DHX29: variants seen among roughly 807,000 people sequenced by gnomAD.
DHX29 encodes the protein ATP-dependent RNA helicase DHX29.
In DHX29, 79 loss-of-function variants were observed where a neutral mutation model predicts 167.9. The ratio of observed to expected loss-of-function variants is 0.47; its 90% CI spans 0.39 to 0.57. The LOEUF (loss-of-function observed/expected upper bound fraction) is 0.57. Ranked by LOEUF, DHX29 falls within the 20% of genes least tolerant of loss-of-function variation. DHX29 has a pLI of 0.00. For missense variants in DHX29, 1,347 were observed against 1,593.4 expected (o/e 0.85, Z 2.63); for synonymous variants, 530 against 546.0 (o/e 0.97, Z 0.41).
rs1746367555 is a variant in DHX29, at chr5:55,262,715, T to C, written c.3743A>G (p.Glu1248Gly). The C allele has an allele frequency of 6.2e-7, 1 of 1,614,102 alleles. No homozygotes were observed. The highest frequency in any genetic ancestry group is 8.5e-7 in the Non-Finnish European group (1 of 1,179,986). Residue 1248 changes from glutamate to glycine, a missense_variant, in exon 24 of 27, where the codon GAG becomes GGG. Glu to Gly is a moderately conservative substitution (Grantham distance 98). Transcript: ENST00000251636. ...DVTEKLACIVETAQGKAQVHP... is the reference protein window; with the variant it reads ...DVTEKLACIVGTAQGKAQVHP... The stretch of plus-strand genomic sequence containing the variant: ...TACTTGTGCTTTGCCTTGGGCCGTC[T>C]CCACAATGCAAGCCAATTTTTCTGT...
At chr5:55,269,870 A>G (rs1724779598) in intron 20 of DHX29, among the ~76,000 whole-genome samples, 1 of 152,050 alleles carries the variant, frequency 6.6e-6, no homozygotes, top group African/African-American at 2.4e-5. Flanking sequence ...TAGATTTTCC[A>G]GTCCACATTT....
In DHX29 at chr5:55,281,271, A is replaced by G. The variant is rs527653550; in HGVS notation, c.2109+101T>C. On this transcript the variant is annotated intron_variant, in intron 12 of 26. Coordinates refer to ENST00000251636, the MANE Select transcript of DHX29 (RefSeq NM_019030.4). ...ATTATTATATATAAGGTATATAATA[A>G]TTTAGTAAGCATAAAGAAAATGTTA... 1.4e-5 allele frequency: 14 copies of G among 1,015,298 alleles called. 1 individual carries two copies. The South Asian group carries it at 4.8e-4, about 34-fold the overall frequency. 62.9% of individuals were successfully genotyped at this position (1,015,298 alleles called of 1,614,324 possible).
intron 26 of DHX29, among the ~76,000 whole-genome samples, chr5:55,258,148 CTTAACA>C (rs1242552201): frequency 1.3e-5 from 2 of 152,134 alleles, no homozygotes; most frequent in African/African-American, 4.8e-5. Context: ...CTGATCAATT[CTTAACA>C]TTAAAAGGAC....
chr5:55,296,487 T>C, intron 3 of DHX29, 138 bp from the exon 4 acceptor site: 1 of 1,148,200 alleles, frequency 8.7e-7, no homozygotes, highest in Non-Finnish European at 1.1e-6. Context: ...CAGTTAAAAA[T>C]GAAATGTGTT....
intron 11 of DHX29, among the ~76,000 whole-genome samples, chr5:55,282,011 C>T (rs1430367439): frequency 6.6e-6 from 1 of 152,032 alleles, no homozygotes; most frequent in Non-Finnish European, 1.5e-5. Context: ...GCCTCGAACT[C>T]CTGACCTCAG....
chr5:55,295,342 AT>A, intron 5 of DHX29, 36 bp downstream of exon 5: 1 of 1,513,440 alleles, frequency 6.6e-7, no homozygotes. Flanking sequence ...CTCCATTCTG[AT>A]TTTATACAAC....
chr5:55,282,477 C>T (rs1747482226), intron 11 of DHX29, among the ~76,000 whole-genome samples: 1 of 152,024 alleles, frequency 6.6e-6, no homozygotes, highest in Non-Finnish European at 1.5e-5. Context: ...TGACAGAAAC[C>T]CAGACAATTT....
intron 23 of DHX29, among the ~76,000 whole-genome samples, chr5:55,263,671 G>A (rs1385519149): frequency 9.9e-5 from 15 of 151,296 alleles, no homozygotes; most frequent in African/African-American, 3.6e-4. Context: ...TGAAGAAAAG[G>A]CTCACAGAAG....
At chr5:55,287,915 C>T (rs934609814) in intron 8 of DHX29, among the ~76,000 whole-genome samples, 10 of 148,170 alleles carry the variant, frequency 6.7e-5, no homozygotes, top group Middle Eastern at 3.8e-3. Context: ...TGCTACTGCA[C>T]TCCAGCCTGA....
intron 12 of DHX29, among the ~76,000 whole-genome samples, chr5:55,280,064 AG>A (rs1391053582): frequency 1.3e-5 from 2 of 152,220 alleles, no homozygotes; most frequent in African/African-American, 4.8e-5. Context: ...TAGTAAGGCC[AG>A]AAGGAGCATT....
intron 1 of DHX29, among the ~76,000 whole-genome samples, chr5:55,306,896 C>A (rs989567723): frequency 6.6e-6 from 1 of 152,134 alleles, no homozygotes; most frequent in African/African-American, 2.4e-5. Flanking sequence ...TTACACGTAA[C>A]CAGTGTGTAA....
At chr5:55,273,584 A>C (rs1282776183) in intron 16 of DHX29, among the ~76,000 whole-genome samples, 1 of 152,262 alleles carries the variant, frequency 6.6e-6, no homozygotes, top group East Asian at 1.9e-4. Flanking sequence ...GAATAGGATT[A>C]AATTTTTTTA....
At chr5:55,268,555 G>A (rs1746695181) in intron 21 of DHX29, among the ~76,000 whole-genome samples, 1 of 152,060 alleles carries the variant, frequency 6.6e-6, no homozygotes, top group African/African-American at 2.4e-5. Flanking sequence ...CTCCTGAATA[G>A]CTGGGTCTAC....
chr5:55,268,674 G>A (rs1385252882), intron 21 of DHX29, among the ~76,000 whole-genome samples: 2 of 152,018 alleles, frequency 1.3e-5, no homozygotes, highest in Non-Finnish European at 2.9e-5. Flanking sequence ...AGCCTTTATT[G>A]GTAATCCCAG....
At chr5:55,265,311 C>G (rs932585313) in intron 23 of DHX29, among the ~76,000 whole-genome samples, 2 of 150,360 alleles carry the variant, frequency 1.3e-5, no homozygotes, top group African/African-American at 2.4e-5. Flanking sequence ...ATGGATGAAC[C>G]TAGCTGACCC....
In DHX29 at chr5:55,276,252, T is replaced by C. The variant is rs1747106771; in HGVS notation, c.2427+14A>G. 2 of 1,559,684 alleles carry C rather than the reference T, an allele frequency of 1.3e-6. No homozygotes were observed. Among genetic ancestry groups the C allele is most frequent in the Admixed American group, 2.2e-5 (1 of 45,842 alleles). On this transcript the variant is annotated intron_variant, in intron 14 of 26. Coordinates refer to ENST00000251636, the MANE Select transcript of DHX29 (RefSeq NM_019030.4). Reference sequence around the variant, plus strand: ...TATCATTATCTGATATCTTTCAAAATATTTTCTTTTTACCTGATATTTTTT... The same window carrying C: ...TATCATTATCTGATATCTTTCAAAACATTTTCTTTTTACCTGATATTTTTT...
intron 14 of DHX29, among the ~76,000 whole-genome samples, chr5:55,275,913 C>T (rs1747088423): frequency 7.6e-6 from 1 of 130,770 alleles, no homozygotes; most frequent in South Asian, 2.4e-4. Context: ...ATCCTGAGCA[C>T]CTATGGTGTT....
intron 26 of DHX29, among the ~76,000 whole-genome samples, chr5:55,259,002 G>T (rs1746181157): frequency 6.6e-6 from 1 of 152,032 alleles, no homozygotes; most frequent in Admixed American, 6.6e-5. Flanking sequence ...ACATATATAG[G>T]TATGTGTATA....
At chr5:55,288,403 G>T (rs1443162871) in intron 8 of DHX29, among the ~76,000 whole-genome samples, 2 of 150,542 alleles carry the variant, frequency 1.3e-5, no homozygotes, top group African/African-American at 4.9e-5. Flanking sequence ...TTAGTAAATA[G>T]TATACTATTA....
Sources: gnomAD v4.1 joint callset for allele counts (sites outside exome capture counted in the v4.1 genomes callset) on GRCh38, gnomAD v4.1.1 for gene constraint, MANE v1.5 for transcripts, NCBI Gene and HGNC (gene_info 2026-07-23, HGNC 2026-07-21) for gene names.